The following CDH13 variants were observed in gnomAD, a reference collection of about 807,000 sequenced individuals.
The protein encoded by CDH13 is cadherin 13.
Under a neutral mutation model 63.8 loss-of-function variants are expected in CDH13, and 24 were observed. The ratio of observed to expected loss-of-function variants is 0.38; its 90% confidence interval spans 0.27 to 0.53. The LOEUF (loss-of-function observed/expected upper bound fraction) is 0.53, where lower values mean the gene tolerates loss of function less well. CDH13 is among the 20% of genes least tolerant of loss of function. The pLI, the probability that CDH13 is intolerant of heterozygous loss-of-function variation, is 0.85. For synonymous variants in CDH13, 503 were observed against 355.3 expected (o/e 1.42, Z -4.67); for missense variants, 1,049 against 903.1 (o/e 1.16, Z -2.07).
intron 2 of CDH13, among the ~76,000 whole-genome samples, chr16:82,945,580 GT>G (rs958880812): frequency 2.6e-5 from 4 of 151,986 alleles, no homozygotes; most frequent in South Asian, 2.1e-4. Context: ...AGGATTTTGT[GT>G]TTTTTTTCTT....
At chr16:82,694,920 A>C (rs1386571285) in intron 1 of CDH13, among the ~76,000 whole-genome samples, 1 of 152,174 alleles carries the variant, frequency 6.6e-6, no homozygotes, top group East Asian at 1.9e-4. Context: ...GGAACTGAGG[A>C]GTCAAGGAGG....
intron 4 of CDH13, among the ~76,000 whole-genome samples, chr16:83,204,204 C>T (rs912020037): frequency 1.3e-5 from 2 of 152,166 alleles, no homozygotes; most frequent in Admixed American, 6.5e-5. Context: ...ACTCAGGACA[C>T]GCTTATCTGT....
Position 82,737,311 on chromosome 16 carries a change from T to C in CDH13, c.45+110174T>C, listed in dbSNP as rs74649072. Among the ~76,000 whole-genome samples, 681 of 152,348 alleles carry C rather than the reference T, an allele frequency of 4.5e-3. 12 individuals carry two copies. Among genetic ancestry groups the C allele is most frequent in the Admixed American group, 0.031 (477 of 15,304 alleles). On this transcript the variant is annotated intron_variant, in intron 1 of 13. Transcript: ENST00000567109. Reference sequence around the variant, plus strand: ...CCCTCTCCCATGTCTCTCTCTTTGCTGCTCTCAGATGGACCCAGGGGTCAT... The same window carrying C: ...CCCTCTCCCATGTCTCTCTCTTTGCCGCTCTCAGATGGACCCAGGGGTCAT...
At chr16:82,898,246 C>T (rs566972579) in intron 2 of CDH13, among the ~76,000 whole-genome samples, 6 of 152,178 alleles carry the variant, frequency 3.9e-5, no homozygotes, top group East Asian at 3.9e-4. Context: ...TGAACATGGC[C>T]GGGCGTGGTG....
At chr16:82,995,604 C>A (rs969124689) in intron 2 of CDH13, among the ~76,000 whole-genome samples, 5 of 152,114 alleles carry the variant, frequency 3.3e-5, no homozygotes, top group Non-Finnish European at 7.4e-5. Flanking sequence ...AAAAAAAGTC[C>A]TTTTTGCTTT....
At chr16:83,353,903 A>C (rs1003865543) in intron 6 of CDH13, among the ~76,000 whole-genome samples, 1 of 152,274 alleles carries the variant, frequency 6.6e-6, no homozygotes, top group South Asian at 2.1e-4. Context: ...TTTTAGGCCC[A>C]AGCCGGGAGT....
chr16:83,050,501 A>T (rs576770556), intron 3 of CDH13, among the ~76,000 whole-genome samples: 3 of 152,046 alleles, frequency 2.0e-5, no homozygotes, highest in Non-Finnish European at 4.4e-5. Context: ...AGAAACCCAT[A>T]TATTTTCTTC....
At chr16:83,230,808 A>G (rs1206306831) in intron 5 of CDH13, among the ~76,000 whole-genome samples, 2 of 152,220 alleles carry the variant, frequency 1.3e-5, no homozygotes, top group African/African-American at 4.8e-5. Context: ...GAGGATATCA[A>G]ACTGAGAAGA....
At chr16:83,715,039 G>C (rs540712478) in intron 10 of CDH13, among the ~76,000 whole-genome samples, 20 of 152,270 alleles carry the variant, frequency 1.3e-4, no homozygotes, top group African/African-American at 4.1e-4. Context: ...GCAGTAGCTA[G>C]GTTCGAGAGT....
At position 83,632,151 on chromosome 16, in the gene CDH13, C is replaced by T. The variant is rs1245509213; in HGVS notation, c.1101+29557C>T. Among the ~76,000 whole-genome samples, 3 of 152,154 alleles carry T rather than the reference C, an allele frequency of 2.0e-5. No individual in the cohort carries two copies. The East Asian group carries it at 5.8e-4, about 29-fold the overall frequency. The stretch of plus-strand genomic sequence containing the variant: ...GAAAGAGAAGGAGCTTTTATGTTTC[C>T]TCATTGTTACTCCATCACACTGTCA... On this transcript the variant is annotated intron_variant, in intron 8 of 13. Transcript: ENST00000567109.
intron 5 of CDH13, among the ~76,000 whole-genome samples, chr16:83,232,150 G>A (rs1284607882): frequency 6.9e-6 from 1 of 145,596 alleles, no homozygotes; most frequent in Non-Finnish European, 1.5e-5. Context: ...AAACCCCCAT[G>A]ACACAAGTTT....
At chr16:83,170,360 A>C (rs1405641442) in intron 4 of CDH13, among the ~76,000 whole-genome samples, 1 of 152,062 alleles carries the variant, frequency 6.6e-6, no homozygotes, top group Admixed American at 6.6e-5. Flanking sequence ...GGGTGGTGAG[A>C]GATCAGGGTG....
At chr16:83,064,422 G>C (rs951583541) in intron 3 of CDH13, among the ~76,000 whole-genome samples, 1 of 152,094 alleles carries the variant, frequency 6.6e-6, no homozygotes, top group African/African-American at 2.4e-5. Flanking sequence ...AGATTTTTTA[G>C]CAACATCATC....
chr16:82,676,311 C>G (rs1913892656), intron 1 of CDH13, among the ~76,000 whole-genome samples: 1 of 152,068 alleles, frequency 6.6e-6, no homozygotes, highest in Non-Finnish European at 1.5e-5. Context: ...CTCCTAAACT[C>G]AAGGCTTTCT....
intron 5 of CDH13, among the ~76,000 whole-genome samples, chr16:83,322,051 G>A (rs895071649): frequency 3.3e-5 from 5 of 152,328 alleles, no homozygotes; most frequent in Admixed American, 6.5e-5. Context: ...AGGGCTGGCT[G>A]CAGACTGGAA....
chr16:83,140,307 C>G, intron 4 of CDH13, among the ~76,000 whole-genome samples: 1 of 152,222 alleles, frequency 6.6e-6, no homozygotes, highest in East Asian at 1.9e-4. Flanking sequence ...TTGCCAATGT[C>G]TCAGAAACCT....
intron 4 of CDH13, among the ~76,000 whole-genome samples, chr16:83,198,198 T>A (rs376577211): frequency 5.5e-4 from 82 of 150,342 alleles, no homozygotes; most frequent in African/African-American, 1.8e-3. Context: ...AACCTGGTTT[T>A]AAAAAAAAAA....
chr16:83,617,553 C>A (rs1909395206), intron 8 of CDH13, among the ~76,000 whole-genome samples: 1 of 151,112 alleles, frequency 6.6e-6, no homozygotes, highest in Non-Finnish European at 1.5e-5. Context: ...CTCATATGAA[C>A]ATATCTCAAT....
At chr16:83,543,192 C>T (rs554162886) in intron 7 of CDH13, among the ~76,000 whole-genome samples, 12 of 152,198 alleles carry the variant, frequency 7.9e-5, no homozygotes, top group South Asian at 4.1e-4. Flanking sequence ...TAAAAGACTT[C>T]GATATTTTCC....
Sources: gnomAD v4.1 joint callset for allele counts (sites outside exome capture counted in the v4.1 genomes callset) on GRCh38, gnomAD v4.1.1 for gene constraint, MANE v1.5 for transcripts, NCBI Gene and HGNC (gene_info 2026-07-23, HGNC 2026-07-21) for gene names.